The following ZNF423 variants were observed in gnomAD, a reference collection of about 807,000 sequenced individuals.
ZNF423 encodes the protein zinc finger protein 423, also known as Ebf-associated zinc finger protein.
A neutral mutation model predicts 95.8 loss-of-function variants in ZNF423; 12 were observed. The ratio of observed to expected loss-of-function variants is 0.13; its 90% confidence interval spans 0.08 to 0.20. ZNF423 has a LOEUF of 0.20. Ranked by LOEUF, ZNF423 falls within the 10% of genes least tolerant of loss-of-function variation. The probability of loss-of-function intolerance (pLI) is 1.00; values close to 1 mark genes in which losing one functional copy is unlikely to be tolerated. For missense variants in ZNF423, 1,316 were observed against 1,737.1 expected, an observed-to-expected ratio of 0.76 and a Z score of 4.31; for synonymous variants, 749 against 711.9, an observed-to-expected ratio of 1.05 and a Z score of -0.83.
chr16:49,851,001 G>A (rs948099971), intron 1 of ZNF423, among the ~76,000 whole-genome samples: 3 of 152,140 alleles, frequency 2.0e-5, no homozygotes, highest in African/African-American at 4.8e-5. Context: ...GAGGGCTGTC[G>A]GGAACTCAGA....
intron 7 of ZNF423, among the ~76,000 whole-genome samples, chr16:49,508,324 C>T (rs993558588): frequency 6.6e-6 from 1 of 151,948 alleles, no homozygotes; most frequent in Admixed American, 6.6e-5. Context: ...AGTTCTAGAC[C>T]AGCCTAGGCA....
intron 1 of ZNF423, among the ~76,000 whole-genome samples, chr16:49,793,871 C>G (rs1358837236): frequency 6.6e-6 from 1 of 152,178 alleles, no homozygotes; most frequent in Non-Finnish European, 1.5e-5. Flanking sequence ...GCTAATGAAG[C>G]CCCAGCTCCA....
chr16:49,501,805 C>G (rs747410506), intron 7 of ZNF423, among the ~76,000 whole-genome samples: 7 of 151,974 alleles, frequency 4.6e-5, no homozygotes, highest in Non-Finnish European at 8.8e-5. Context: ...CATGTTCTCA[C>G]TCATAAGTGG....
rs1555486465 is a variant in ZNF423 at position 49,792,018 on chromosome 16, A to AAAG, written c.41-2473_41-2472insCTT. Among the ~76,000 whole-genome samples, 50 of 138,296 alleles carry AAAG rather than the reference A, an allele frequency of 3.6e-4. 2 individuals carry two copies. The highest frequency in any genetic ancestry group is 1.1e-3 in the African/African-American group (41 of 37,108). The allele number at this position is 138,296 out of a possible 152,430, so 90.7% of individuals were successfully genotyped here. ...ACTCCATCTCAAAAAAAAAAAAAAA[A>AAAG]AAAGAAAGAAAGTGGATCGGTGGTT... On this transcript the variant is annotated intron_variant, in intron 1 of 7. Transcript: ENST00000563137.
chr16:49,650,244 C>A (rs548194353), intron 3 of ZNF423, among the ~76,000 whole-genome samples: 48 of 152,322 alleles, frequency 3.2e-4, no homozygotes, highest in African/African-American at 1.0e-3. Flanking sequence ...GAGACGTCAG[C>A]CCTGAGGGAC....
intron 1 of ZNF423, among the ~76,000 whole-genome samples, chr16:49,830,237 C>T (rs146560527): frequency 6.6e-6 from 1 of 152,032 alleles, no homozygotes; most frequent in South Asian, 2.1e-4. Flanking sequence ...GTCTCAGTCA[C>T]GGGGAAAGCC....
Position 49,622,931 on chromosome 16 carries a change from C to A in ZNF423, c.3601+3239G>T, listed in dbSNP as rs77848338. Among the ~76,000 whole-genome samples, 473 of 152,268 alleles carry A rather than the reference C, an allele frequency of 3.1e-3. 1 individual carries two copies. Among genetic ancestry groups the A allele is most frequent in the Non-Finnish European group, 5.4e-3 (368 of 68,008 alleles). On this transcript the variant is annotated intron_variant, in intron 5 of 7. Coordinates refer to ENST00000563137, the MANE Select transcript of ZNF423 (RefSeq NM_001379286.1). The stretch of plus-strand genomic sequence containing the variant: ...GTCTTCTATGGGATGATCTCTGAAG[C>A]AGAGACCATGTCCCCTGTACTCCCG...
At chr16:49,821,635 C>G (rs2034942583) in intron 1 of ZNF423, among the ~76,000 whole-genome samples, 1 of 152,172 alleles carries the variant, frequency 6.6e-6, no homozygotes, top group South Asian at 2.1e-4. Flanking sequence ...CAGGTTGTAA[C>G]AAGAAGAGAT....
intron 5 of ZNF423, among the ~76,000 whole-genome samples, chr16:49,592,855 C>G (rs984944699): frequency 2.0e-5 from 3 of 152,226 alleles, no homozygotes; most frequent in African/African-American, 7.2e-5. Context: ...TCAGTCTTCA[C>G]TCTGCGATGC....
intron 1 of ZNF423, among the ~76,000 whole-genome samples, chr16:49,849,996 T>G (rs1250993867): frequency 6.6e-6 from 1 of 152,194 alleles, no homozygotes; most frequent in Non-Finnish European, 1.5e-5. Flanking sequence ...AAGAGAATCC[T>G]TTTCACAAGA....
chr16:49,689,681 A>C (rs2031706184), intron 3 of ZNF423, among the ~76,000 whole-genome samples: 1 of 151,846 alleles, frequency 6.6e-6, no homozygotes, highest in Non-Finnish European at 1.5e-5. Context: ...CCCGTGTGGC[A>C]CCCCGGGGGC....
At chr16:49,605,732 C>T (rs899459740) in intron 5 of ZNF423, among the ~76,000 whole-genome samples, 2 of 152,222 alleles carry the variant, frequency 1.3e-5, no homozygotes, top group South Asian at 4.1e-4. Context: ...GACATTGCCA[C>T]TCTGAAGAGT....
intron 2 of ZNF423, among the ~76,000 whole-genome samples, chr16:49,765,026 G>A (rs2033904942): frequency 6.6e-6 from 1 of 151,206 alleles, no homozygotes; most frequent in Admixed American, 6.6e-5. Flanking sequence ...CCAAAGTGCT[G>A]GGATTACAGC....
At chr16:49,625,292 G>T (rs540215324) in intron 5 of ZNF423, among the ~76,000 whole-genome samples, 2 of 152,322 alleles carry the variant, frequency 1.3e-5, no homozygotes, top group African/African-American at 2.4e-5. Context: ...GGCAGAGGTT[G>T]CAGTGAGCAA....
intron 7 of ZNF423, chr16:49,517,787 A>G (rs1342106341): frequency 2.8e-6 from 1 of 353,318 alleles, no homozygotes; most frequent in Non-Finnish European, 5.4e-6. Context: ...TAACTCTGTG[A>G]CTCGTTGTTG....
intron 7 of ZNF423, among the ~76,000 whole-genome samples, chr16:49,498,629 C>T (rs1328538400): frequency 6.6e-6 from 1 of 152,204 alleles, no homozygotes; most frequent in African/African-American, 2.4e-5. Context: ...AGGGCCTTCT[C>T]GCCCATCATT....
At chr16:49,712,501 C>T (rs1355397437) in intron 3 of ZNF423, among the ~76,000 whole-genome samples, 2 of 152,256 alleles carry the variant, frequency 1.3e-5, no homozygotes, top group Non-Finnish European at 2.9e-5. Context: ...GCCCCCAAAA[C>T]AGCTCCTTCA....
At chr16:49,576,383 T>G (rs55674530) in intron 5 of ZNF423, among the ~76,000 whole-genome samples, 12,077 of 152,220 alleles carry the variant, frequency 0.079, 639 homozygotes, top group East Asian at 0.14. Context: ...GCAAGAGCAG[T>G]AGCTGGGCTG....
chr16:49,753,115 G>A (rs2033661584), intron 2 of ZNF423, among the ~76,000 whole-genome samples: 1 of 151,794 alleles, frequency 6.6e-6, no homozygotes, highest in South Asian at 2.1e-4. Context: ...GTGGTGGCGT[G>A]AGCCTGTAGT....
Sources: allele counts gnomAD v4.1 joint callset (sites outside exome capture counted in the v4.1 genomes callset), GRCh38; gene constraint gnomAD v4.1.1; transcripts MANE v1.5; gene names NCBI Gene and HGNC (gene_info 2026-07-23, HGNC 2026-07-21).